Variants in ABCA1 observed in about 807,000 individuals in gnomAD.
The protein encoded by ABCA1 is phospholipid-transporting ATPase ABCA1.
ABCA1 carries 133 observed loss-of-function variants against 262.5 expected under a neutral mutation model. The observed-to-expected ratio is 0.51, with a 90% CI of 0.44 to 0.59. The LOEUF (loss-of-function observed/expected upper bound fraction) is 0.59. Ranked by LOEUF, ABCA1 falls within the 20% of genes least tolerant of loss-of-function variation. ABCA1 has a pLI of 0.00. For synonymous variants in ABCA1, 1,022 were observed against 1,043.5 expected (o/e 0.98, Z 0.40); for missense variants, 2,452 against 2,777.5 (o/e 0.88, Z 2.63).
intron 9 of ABCA1, among the ~76,000 whole-genome samples, chr9:104,838,967 C>A (rs927121918): frequency 1.3e-5 from 2 of 151,908 alleles, no homozygotes; most frequent in Non-Finnish European, 2.9e-5. Flanking sequence ...AAGCAACTTG[C>A]GAATGTCTGG....
At chr9:104,925,902 T>C (rs967899234) in intron 1 of ABCA1, among the ~76,000 whole-genome samples, 55 of 152,020 alleles carry the variant, frequency 3.6e-4, no homozygotes, top group African/African-American at 1.2e-3. Flanking sequence ...ATTATTTTTG[T>C]GGTAGGTATG....
intron 5 of ABCA1, among the ~76,000 whole-genome samples, chr9:104,874,838 G>C (rs1414915632): frequency 7.0e-6 from 1 of 141,858 alleles, no homozygotes; most frequent in Non-Finnish European, 1.5e-5. Context: ...GCCAGCCCCC[G>C]CCCGGCCAGC....
intron 7 of ABCA1, chr9:104,855,599 G>A: frequency 7.5e-7 from 1 of 1,341,322 alleles, no homozygotes; most frequent in South Asian, 1.7e-5. Context: ...AGCACCTATT[G>A]TGTGCCAGGC....
chr9:104,876,165 G>T (rs1032283357), intron 5 of ABCA1, among the ~76,000 whole-genome samples: 1 of 152,190 alleles, frequency 6.6e-6, no homozygotes, highest in Non-Finnish European at 1.5e-5. Context: ...GCTAAAAAAA[G>T]ATGGAGAACT....
At chr9:104,842,752 C>A (rs1834497361) in intron 8 of ABCA1, among the ~76,000 whole-genome samples, 1 of 152,086 alleles carries the variant, frequency 6.6e-6, no homozygotes, top group Non-Finnish European at 1.5e-5. Flanking sequence ...TCCCCCATCC[C>A]AGTCTCTTCT....
chr9:104,835,761 C>T (rs1207358615), intron 11 of ABCA1, among the ~76,000 whole-genome samples: 2 of 152,128 alleles, frequency 1.3e-5, no homozygotes, highest in Non-Finnish European at 2.9e-5. Flanking sequence ...CTAATGAATG[C>T]CATTGCCATG....
At chr9:104,885,424 A>T (rs965015613) in intron 3 of ABCA1, among the ~76,000 whole-genome samples, 1 of 152,052 alleles carries the variant, frequency 6.6e-6, no homozygotes, top group African/African-American at 2.4e-5. Context: ...TCTGCCAAAC[A>T]TTTGTCAGTT....
At chr9:104,875,124 T>G (rs984913846) in intron 5 of ABCA1, among the ~76,000 whole-genome samples, 8 of 150,986 alleles carry the variant, frequency 5.3e-5, no homozygotes, top group Non-Finnish European at 7.4e-5. Context: ...ACATAGGAGA[T>G]TCCATTTTGT....
Position 104,821,466 on chromosome 9 carries a change from C to T in ABCA1, c.2869G>A (p.Ala957Thr), listed in dbSNP as rs755100870. ...TGLFPPTSGT[A>T]YILGKDIRSE... ...CGAATGTCTTTTCCCAGGATGTAGG[C>T]GGTGCCCGAGGTCGGGGGGAACAAC... The change falls in exon 20 of 50, where the codon GCC becomes ACC. Residue 957 changes from alanine to threonine, a missense_variant. Ala to Thr is a moderately conservative substitution (Grantham distance 58). Around this residue, in one of 4 missense-constraint regions of ABCA1, gnomAD observed 665 missense variants for 727.3 expected, o/e 0.91. Coordinates refer to ENST00000374736, the MANE Select transcript of ABCA1 (RefSeq NM_005502.4). 35 of 1,613,882 alleles carry T rather than the reference C, an allele frequency of 2.2e-5. No individual in the cohort carries two copies. Among genetic ancestry groups the T allele is most frequent in the South Asian group, 3.3e-5 (3 of 91,070 alleles).
intron 2 of ABCA1, among the ~76,000 whole-genome samples, chr9:104,893,421 CAAAAAAAAAAAAAA>C (rs34544647): frequency 5.4e-4 from 19 of 35,268 alleles, no homozygotes; most frequent in African/African-American, 1.1e-3. Context: ...GACTTCACCT[CAAAAAAAAAAAAAA>C]AAAAAAAAAA....
At chr9:104,785,217 T>C (rs143103911) in intron 49 of ABCA1, among the ~76,000 whole-genome samples, 179 bp downstream of exon 49, 58 of 152,294 alleles carry the variant, frequency 3.8e-4, no homozygotes, top group African/African-American at 1.4e-3. Flanking sequence ...ATAGAGTACA[T>C]AGGCATCATC....
chr9:104,792,888 T>G lies in ABCA1; in HGVS notation c.5655A>C (p.Leu1885=). ...FIRPRPVNAK[L]SPLNDEDEDV... ...CTTCATCTTCATCATTCAGAGGAGA[T>G]AGCTTTGCATTTACAGGTCTTGGGG... The change falls in exon 42 of 50, where the codon CTA becomes CTC. Residue 1885 remains leucine (L), a synonymous_variant. Transcript: ENST00000374736. 6.2e-7 allele frequency: 1 copy of G among 1,614,164 alleles called. No individual in the cohort carries two copies. The highest frequency in any genetic ancestry group is 8.5e-7 in the Non-Finnish European group (1 of 1,180,022).
intron 2 of ABCA1, among the ~76,000 whole-genome samples, chr9:104,902,324 A>G (rs1291839021): frequency 6.6e-6 from 1 of 152,192 alleles, no homozygotes; most frequent in Non-Finnish European, 1.5e-5. Context: ...ATTGTAGCAA[A>G]CTCATGAGGA....
chr9:104,923,242 CTT>C (rs1842244243), intron 1 of ABCA1, among the ~76,000 whole-genome samples: 1 of 152,186 alleles, frequency 6.6e-6, no homozygotes, highest in Admixed American at 6.5e-5. Context: ...GTTCACTTCT[CTT>C]TTTCCTTTGT....
In ABCA1 at chr9:104,806,107, A is replaced by G. The variant is rs1165568988; in HGVS notation, c.4464+134T>C. On this transcript the variant is annotated intron_variant, in intron 31 of 49. Coordinates refer to ENST00000374736, the MANE Select transcript of ABCA1 (RefSeq NM_005502.4). ...GCGACAGAGCAAGACTCCGCCTCAG[A>G]AAAAAAAACAAAAAACAAAAAAGAC... The G allele has an allele frequency of 2.8e-5, 27 of 975,720 alleles. No individual in the cohort carries two copies. In the East Asian group the frequency reaches 6.9e-4, roughly 25 times the overall value. The allele number at this position is 975,720 out of a possible 1,614,324, so 60.4% of individuals were successfully genotyped here.
At chr9:104,912,941 A>G (rs1841589967) in intron 1 of ABCA1, among the ~76,000 whole-genome samples, 1 of 152,208 alleles carries the variant, frequency 6.6e-6, no homozygotes, top group African/African-American at 2.4e-5. Context: ...GCAAGCCTCT[A>G]TCAGCAACCC....
chr9:104,803,447 T>C, intron 32 of ABCA1, 131 bp from the exon 33 acceptor site: 2 of 931,450 alleles, frequency 2.1e-6, no homozygotes, highest in South Asian at 1.4e-5. Context: ...CAGCTGGCCT[T>C]GTAGGGTTGT....
Position 104,783,609 on chromosome 9 carries a change from G to A in ABCA1, c.*706C>T, listed in dbSNP as rs534504547. 1 of 152,594 alleles carries A rather than the reference G, an allele frequency of 6.6e-6. No homozygotes were observed. The highest frequency in any genetic ancestry group is 1.9e-4 in the East Asian group (1 of 5,180). 9.5% of individuals were successfully genotyped at this position (152,594 alleles called of 1,614,324 possible). On this transcript the variant is annotated 3_prime_UTR_variant, in exon 50 of 50. Transcript: ENST00000374736. Reference sequence around the variant, plus strand: ...TAGGACAATATAACAATGGAACCAAGTTTCCCGTGCCTGGAGACACCCACA... The same window carrying A: ...TAGGACAATATAACAATGGAACCAAATTTCCCGTGCCTGGAGACACCCACA...
chr9:104,917,771 G>A (rs766722446), intron 1 of ABCA1, among the ~76,000 whole-genome samples: 4 of 151,912 alleles, frequency 2.6e-5, no homozygotes, highest in Non-Finnish European at 5.9e-5. Context: ...AAAGGAGTAA[G>A]CTTTTGTTTA....
Sources: allele counts gnomAD v4.1 joint callset (sites outside exome capture counted in the v4.1 genomes callset), GRCh38; gene constraint gnomAD v4.1.1; regional missense constraint gnomAD v4.1.1; transcripts MANE v1.5; gene names NCBI Gene and HGNC (gene_info 2026-07-23, HGNC 2026-07-21).